Variants in ARHGAP39 observed in about 807,000 individuals in gnomAD.
ARHGAP39 encodes the protein rho GTPase-activating protein 39.
In ARHGAP39, 44 loss-of-function variants were observed where a neutral mutation model predicts 106.9. The observed-to-expected ratio is 0.41, with a 90% CI of 0.32 to 0.53. The LOEUF (loss-of-function observed/expected upper bound fraction) is 0.53, where lower values mean the gene tolerates loss of function less well. Ranked by LOEUF, ARHGAP39 falls within the 20% of genes least tolerant of loss-of-function variation. ARHGAP39 has a pLI of 0.21. For synonymous variants in ARHGAP39, 768 were observed against 693.2 expected (o/e 1.11, Z -1.69); for missense variants, 1,496 against 1,577.3 (o/e 0.95, Z 0.87).
intron 2 of ARHGAP39, among the ~76,000 whole-genome samples, chr8:144,588,313 G>A (rs901154090): frequency 6.6e-6 from 1 of 152,266 alleles, no homozygotes; most frequent in African/African-American, 2.4e-5. Flanking sequence ...GCTGCATTGA[G>A]GCTCATGGAG....
intron 2 of ARHGAP39, among the ~76,000 whole-genome samples, chr8:144,603,073 G>T (rs1488948253): frequency 7.0e-6 from 1 of 142,946 alleles, no homozygotes; most frequent in African/African-American, 2.6e-5. Context: ...ACCTGTGTGC[G>T]TGCGTGGAGG....
intron 7 of ARHGAP39, 47 bp from the exon 8 acceptor site, chr8:144,534,249 T>G: frequency 6.2e-7 from 1 of 1,605,600 alleles, no homozygotes; most frequent in Non-Finnish European, 8.5e-7. Context: ...TGTGTGGGTG[T>G]GGGGCCAGGA....
At chr8:144,622,077 AAG>A (rs985411628) in intron 1 of ARHGAP39, among the ~76,000 whole-genome samples, 4 of 152,174 alleles carry the variant, frequency 2.6e-5, no homozygotes, top group Non-Finnish European at 4.4e-5. Flanking sequence ...AGGAAAGAAA[AAG>A]AGGAAAGGGA....
At chr8:144,601,416 G>T (rs1302865897) in intron 2 of ARHGAP39, among the ~76,000 whole-genome samples, 1 of 147,624 alleles carries the variant, frequency 6.8e-6, no homozygotes, top group African/African-American at 2.5e-5. Flanking sequence ...CTGCGTGCAT[G>T]GAGGCGTGCG....
chr8:144,640,160 A>G (rs1255260389), intron 1 of ARHGAP39, among the ~76,000 whole-genome samples: 1 of 152,178 alleles, frequency 6.6e-6, no homozygotes, highest in Non-Finnish European at 1.5e-5. Context: ...TTGGCTAAAC[A>G]CAAACACGTT....
At chr8:144,689,426 C>CTTTT (rs71320837), upstream of ARHGAP39, among the ~76,000 whole-genome samples, 3 of 67,552 alleles carry the variant, frequency 4.4e-5, no homozygotes, top group African/African-American at 6.2e-5. Context: ...TCTTAACCAT[C>CTTTT]TTTTTTTTTT....
At position 144,604,019 on chromosome 8, in the gene ARHGAP39, C is replaced by T. The variant is rs932069929; in HGVS notation, c.80+1516G>A. Reference sequence around the variant, plus strand: ...CTCACAGCCCACATCAGCGAACAAACGAATGAAGAACGAACAAACGAATGA... The same window carrying T: ...CTCACAGCCCACATCAGCGAACAAATGAATGAAGAACGAACAAACGAATGA... On this transcript the variant is annotated intron_variant, in intron 2 of 11. Transcript: ENST00000377307. This position sits in a 1 kb window ranked among gnomAD's most constrained non-coding sequence, Gnocchi z 4.1. Among the ~76,000 whole-genome samples the T allele has an allele frequency of 6.6e-6, 1 of 152,198 alleles. No individual in the cohort carries two copies. Among genetic ancestry groups the T allele is most frequent in the South Asian group, 2.1e-4 (1 of 4,828 alleles).
the ARHGAP39 span, among the ~76,000 whole-genome samples, chr8:144,692,274 C>A: frequency 6.6e-6 from 1 of 152,198 alleles, no homozygotes; most frequent in Admixed American, 6.5e-5. Context: ...CCCAATGCCC[C>A]GCCCCAGCTC....
At chr8:144,614,157 T>C (rs961019272) in intron 1 of ARHGAP39, among the ~76,000 whole-genome samples, 3 of 152,360 alleles carry the variant, frequency 2.0e-5, no homozygotes, top group East Asian at 3.9e-4. Flanking sequence ...TCTTTGAACA[T>C]ATGGAATACA....
chr8:144,632,299 C>G (rs1008639707), intron 1 of ARHGAP39, among the ~76,000 whole-genome samples: 1 of 152,158 alleles, frequency 6.6e-6, no homozygotes, highest in Non-Finnish European at 1.5e-5. Flanking sequence ...CGTCACTTGT[C>G]CAGAGCACCG....
At chr8:144,596,573 T>C (rs150432122) in intron 2 of ARHGAP39, among the ~76,000 whole-genome samples, 4,074 of 152,318 alleles carry the variant, frequency 0.027, 95 homozygotes, top group Admixed American at 0.066. Context: ...CCATGAGGGC[T>C]GCATGGAGGG....
chr8:144,580,780 T>A, intron 3 of ARHGAP39, 66 bp downstream of exon 3: 179 of 43,088 alleles, frequency 4.2e-3, no homozygotes, highest in African/African-American at 0.016. Flanking sequence ...ACCCCCTACC[T>A]GCCTCACCTG....
rs1278399127 is a variant in ARHGAP39, at chr8:144,645,372, C to T, written c.-81-39677G>A. Among the ~76,000 whole-genome samples the T allele has an allele frequency of 6.6e-6, 1 of 152,250 alleles. No individual in the cohort carries two copies. The highest frequency in any genetic ancestry group is 1.5e-5 in the Non-Finnish European group (1 of 68,050). On this transcript the variant is annotated intron_variant, in intron 1 of 11. Transcript: ENST00000377307. The surrounding 1 kb of genome is among the most constrained non-coding windows in gnomAD (Gnocchi z 4.4). The stretch of plus-strand genomic sequence containing the variant: ...GACACCACGCTCTCAATGATGGGCT[C>T]CATGAGGGCAGGGCCTCCCTGCCTC...
the ARHGAP39 span, chr8:144,698,721 A>G: frequency 2.5e-6 from 1 of 401,672 alleles, no homozygotes; most frequent in South Asian, 1.7e-5. Flanking sequence ...CCTGCCTGGC[A>G]CAGTCTGTAC....
chr8:144,681,471 C>A (rs1034447855), intron 1 of ARHGAP39, among the ~76,000 whole-genome samples: 1 of 152,144 alleles, frequency 6.6e-6, no homozygotes, highest in African/African-American at 2.4e-5. Context: ...TGACGCAGGA[C>A]CTTGAGTCAA....
In ARHGAP39 at chr8:144,547,085, G is replaced by A. The variant is rs2130842012; in HGVS notation, c.1959+42C>T. Reference sequence around the variant, plus strand: ...CACGGGGTCCACTCTGACTGGGCTGGCCCCAGGCTCTCAAGCTCAGCCGCG... The same window carrying A: ...CACGGGGTCCACTCTGACTGGGCTGACCCCAGGCTCTCAAGCTCAGCCGCG... On this transcript the variant is annotated intron_variant, in intron 5 of 11. Transcript: ENST00000377307. The surrounding 1 kb of genome is among the most constrained non-coding windows in gnomAD (Gnocchi z 5.2). 2.0e-6 allele frequency: 3 copies of A among 1,516,954 alleles called. No homozygotes were observed. Among genetic ancestry groups the A allele is most frequent in the Admixed American group, 4.2e-5 (2 of 47,454 alleles). The allele number at this position is 1,516,954 out of a possible 1,614,324, so 94.0% of individuals were successfully genotyped here.
intron 1 of ARHGAP39, among the ~76,000 whole-genome samples, chr8:144,619,282 G>A (rs1361659188): frequency 3.9e-5 from 6 of 152,266 alleles, no homozygotes; most frequent in Admixed American, 3.9e-4. Flanking sequence ...GCCCGCCATA[G>A]ACCAGGGTGC....
Position 144,654,875 on chromosome 8 carries a change from G to A in ARHGAP39, c.-82+30811C>T, listed in dbSNP as rs181654618. Among the ~76,000 whole-genome samples, 133 of 152,014 alleles carry A rather than the reference G, an allele frequency of 8.7e-4. 1 individual carries two copies. The highest frequency in any genetic ancestry group is 3.0e-3 in the African/African-American group (126 of 41,484). Reference sequence around the variant, plus strand: ...TGTCCTCCCAGGTGCTGCTGCAACCGCCCAAACCATGGCTGCAGACCCAGC... The same window carrying A: ...TGTCCTCCCAGGTGCTGCTGCAACCACCCAAACCATGGCTGCAGACCCAGC... On this transcript the variant is annotated intron_variant, in intron 1 of 11. Transcript: ENST00000377307.
chr8:144,687,426 GGTGA>G (rs1822637229), upstream of ARHGAP39, among the ~76,000 whole-genome samples: 1 of 1,316 alleles, frequency 7.6e-4, no homozygotes, highest in Non-Finnish European at 1.6e-3. Context: ...ACACACTGGC[GGTGA>G]GCATTTCCCA....
Sources: allele counts gnomAD v4.1 joint callset (sites outside exome capture counted in the v4.1 genomes callset), GRCh38; gene constraint gnomAD v4.1.1; non-coding constraint Gnocchi (gnomAD v3.1); transcripts MANE v1.5; gene names NCBI Gene and HGNC (gene_info 2026-07-23, HGNC 2026-07-21).